The following MAP2K5 variants were observed in gnomAD, a reference collection of about 807,000 sequenced individuals.
MAP2K5 encodes dual specificity mitogen-activated protein kinase kinase 5.
In MAP2K5, 49 loss-of-function variants were observed where a neutral mutation model predicts 83.1. The observed-to-expected ratio is 0.59, with a 90% confidence interval of 0.47 to 0.75. The LOEUF is 0.75. MAP2K5 is among the 30% of genes least tolerant of loss of function. The probability of loss-of-function intolerance (pLI) is 0.00; values close to 1 mark genes in which losing one functional copy is unlikely to be tolerated. For missense variants in MAP2K5, 457 were observed against 557.5 expected (o/e 0.82, Z 1.82); for synonymous variants, 202 against 191.8 (o/e 1.05, Z -0.44).
intron 13 of MAP2K5, chr15:67,670,595 A>C (rs1005517478): frequency 1.3e-4 from 46 of 357,644 alleles, no homozygotes; most frequent in Middle Eastern, 1.2e-3. Context: ...CCAAAAGGAC[A>C]AACCATTCTT....
At chr15:67,596,455 GA>G (rs1050220336) in intron 7 of MAP2K5, among the ~76,000 whole-genome samples, 5 of 151,352 alleles carry the variant, frequency 3.3e-5, no homozygotes, top group South Asian at 4.2e-4. Flanking sequence ...TTTGTATATA[GA>G]AAAAAAAGGG....
intron 3 of MAP2K5, among the ~76,000 whole-genome samples, chr15:67,569,343 A>G (rs1251473323): frequency 6.6e-6 from 1 of 152,234 alleles, no homozygotes; most frequent in Non-Finnish European, 1.5e-5. Flanking sequence ...AACTGATTAC[A>G]CAGTATATTC....
chr15:67,733,779 A>G (rs1426770617), intron 17 of MAP2K5, among the ~76,000 whole-genome samples: 1 of 152,236 alleles, frequency 6.6e-6, no homozygotes, highest in African/African-American at 2.4e-5. Flanking sequence ...ATAGGTAGAT[A>G]ATAAGTGAAA....
chr15:67,676,247 G>T lies in MAP2K5; in HGVS notation c.847+11602G>T, dbSNP rs1028920675. Among the ~76,000 whole-genome samples the T allele has an allele frequency of 6.6e-6, 1 of 152,194 alleles. No individual in the cohort carries two copies. Among genetic ancestry groups the T allele is most frequent in the African/African-American group, 2.4e-5 (1 of 41,454 alleles). ...GAGAGAGAGCACCTGTATGATGAAT[G>T]ACAGGGTCATTTCTGTTGGTAGAGG... On this transcript the variant is annotated intron_variant, in intron 13 of 21. Transcript: ENST00000178640. This position sits in a 1 kb window ranked among gnomAD's most constrained non-coding sequence, Gnocchi z 4.8.
chr15:67,680,193 G>A (rs1596781947), intron 13 of MAP2K5, among the ~76,000 whole-genome samples: 1 of 152,114 alleles, frequency 6.6e-6, no homozygotes, highest in South Asian at 2.1e-4. Context: ...CCATTGTATG[G>A]ATATATCACA....
At chr15:67,550,633 A>T (rs2084488588) in intron 2 of MAP2K5, among the ~76,000 whole-genome samples, 1 of 152,148 alleles carries the variant, frequency 6.6e-6, no homozygotes, top group Non-Finnish European at 1.5e-5. Flanking sequence ...GAACCAGGTC[A>T]TTGCAGAGGA....
intron 3 of MAP2K5, among the ~76,000 whole-genome samples, chr15:67,578,246 A>G (rs952216843): frequency 5.9e-5 from 9 of 152,138 alleles, no homozygotes; most frequent in African/African-American, 2.2e-4. Flanking sequence ...AGCAGCATGG[A>G]CCTGGTGGCC....
chr15:67,566,508 A>G (rs1391748123), intron 3 of MAP2K5, among the ~76,000 whole-genome samples: 1 of 152,152 alleles, frequency 6.6e-6, no homozygotes, highest in Admixed American at 6.5e-5. Context: ...AGAATTCAGT[A>G]CACCTGTGGT....
In MAP2K5 at chr15:67,750,362, T is replaced by C. The variant is rs973503155; in HGVS notation, c.1134+1761T>C. ...TGATCTTGGAACTGAGCTGATATTCTGCAATAAAAGTATTAGGAAAGGATT... is the reference window on the plus strand; with the variant it reads ...TGATCTTGGAACTGAGCTGATATTCCGCAATAAAAGTATTAGGAAAGGATT... On this transcript the variant is annotated intron_variant, in intron 19 of 21. Transcript: ENST00000178640. The surrounding 1 kb of genome is among the most constrained non-coding windows in gnomAD (Gnocchi z 4.2). Among the ~76,000 whole-genome samples, 2 of 152,236 alleles carry C rather than the reference T, an allele frequency of 1.3e-5. No homozygotes were observed. The highest frequency in any genetic ancestry group is 4.8e-5 in the African/African-American group (2 of 41,460).
chr15:67,766,839 C>T (rs1009615380), intron 19 of MAP2K5, among the ~76,000 whole-genome samples: 6 of 152,186 alleles, frequency 3.9e-5, no homozygotes, highest in African/African-American at 1.2e-4. Flanking sequence ...TCTCAGAAAA[C>T]GCCTTTGCCC....
chr15:67,692,654 C>G, intron 14 of MAP2K5, 102 bp downstream of exon 14: 1 of 830,056 alleles, frequency 1.2e-6, no homozygotes, highest in South Asian at 1.6e-5. Context: ...GCCAGACAAA[C>G]AGAAACTCTG....
chr15:67,671,709 T>C (rs547938390), intron 13 of MAP2K5, among the ~76,000 whole-genome samples: 2 of 151,916 alleles, frequency 1.3e-5, no homozygotes, highest in South Asian at 4.2e-4. Flanking sequence ...GTGTGCACAA[T>C]GTGCAGGTTA....
chr15:67,695,122 G>C (rs141575734), intron 15 of MAP2K5, among the ~76,000 whole-genome samples: 1 of 139,472 alleles, frequency 7.2e-6, no homozygotes, highest in Non-Finnish European at 1.6e-5. Context: ...GTTGGGGGGA[G>C]GGGGGAGGGA....
At chr15:67,560,655 A>G (rs2084716401) in intron 2 of MAP2K5, among the ~76,000 whole-genome samples, 1 of 152,236 alleles carries the variant, frequency 6.6e-6, no homozygotes, top group South Asian at 2.1e-4. Context: ...CTGTCCACTT[A>G]AGCAAATGCT....
At position 67,708,240 on chromosome 15, in the gene MAP2K5, T is replaced by G. The variant is rs1440428449; in HGVS notation, c.1044+4832T>G. Among the ~76,000 whole-genome samples the G allele has an allele frequency of 6.6e-6, 1 of 151,810 alleles. No homozygotes were observed. Among genetic ancestry groups the G allele is most frequent in the Non-Finnish European group, 1.5e-5 (1 of 67,966 alleles). On this transcript the variant is annotated intron_variant, in intron 16 of 21. Coordinates refer to ENST00000178640, the MANE Select transcript of MAP2K5 (RefSeq NM_145160.3). This position sits in a 1 kb window ranked among gnomAD's most constrained non-coding sequence, Gnocchi z 4.9. ...TGGCAGGCTGAGGCAGGAAAATTGC[T>G]AGAGCCTAGGAGTTTGAGGCTGCAG...
chr15:67,608,215 G>A (rs1266435369), intron 8 of MAP2K5, among the ~76,000 whole-genome samples: 7 of 152,112 alleles, frequency 4.6e-5, no homozygotes, highest in African/African-American at 1.7e-4. Flanking sequence ...GACTGACATA[G>A]TGTCTGTCAC....
chr15:67,740,764 A>G (rs1683072979), intron 17 of MAP2K5, among the ~76,000 whole-genome samples: 1 of 152,226 alleles, frequency 6.6e-6, no homozygotes, highest in Admixed American at 6.5e-5. Flanking sequence ...GTGGTGGCTC[A>G]TGCCTATAAT....
At chr15:67,662,380 T>C (rs1210003998) in intron 12 of MAP2K5, among the ~76,000 whole-genome samples, 1 of 152,166 alleles carries the variant, frequency 6.6e-6, no homozygotes, top group East Asian at 1.9e-4. Flanking sequence ...ACGACTCATT[T>C]ACTTCTCATG....
chr15:67,583,162 C>T lies in MAP2K5; in HGVS notation c.322+2339C>T, dbSNP rs374764422. ...CAGAGAGGTTAAGTAACTTCAGAGT[C>T]ACACAGCTTATAAGTGCTTACTATG... On this transcript the variant is annotated intron_variant, in intron 4 of 21. Transcript: ENST00000178640. Among the ~76,000 whole-genome samples the T allele has an allele frequency of 9.9e-5, 15 of 152,254 alleles. No individual in the cohort carries two copies. The East Asian group carries it at 2.7e-3, about 27-fold the overall frequency.
Sources: gnomAD v4.1 joint callset for allele counts (sites outside exome capture counted in the v4.1 genomes callset) on GRCh38, gnomAD v4.1.1 for gene constraint, Gnocchi (gnomAD v3.1) non-coding constraint, MANE v1.5 for transcripts, NCBI Gene and HGNC (gene_info 2026-07-23, HGNC 2026-07-21) for gene names.